BNC2: variants seen among roughly 807,000 people sequenced by gnomAD.
BNC2 encodes zinc finger protein basonuclin-2.
In BNC2, 20 loss-of-function variants were observed where a neutral mutation model predicts 76.3. The observed-to-expected ratio is 0.26, with a 90% CI of 0.18 to 0.38. BNC2 has a LOEUF of 0.38. BNC2 is among the 10% of genes least tolerant of loss of function. The pLI is 1.00. For synonymous variants in BNC2, 582 were observed against 514.8 expected (o/e 1.13, Z -1.77); for missense variants, 1,382 against 1,399.8 (o/e 0.99, Z 0.20).
In BNC2 at chr9:16,419,048, T is replaced by C; in HGVS notation, c.3241A>G (p.Asn1081Asp). The stretch of plus-strand genomic sequence containing the variant: ...AGATTAGGGTTCTGACTGTGCCGAT[T>C]TCGGCTTCGTACAGAGGAAAACATC... The part of the protein sequence containing the change: ...NMMFSSVRSR[N>D]RHSQNPNLHK... Residue 1081 changes from asparagine to aspartate, a missense_variant, in exon 7 of 7, where the codon AAT (asparagine) becomes GAT (aspartate). Around this residue, in one of 3 missense-constraint regions of BNC2, gnomAD observed 798 missense variants for 775.5 expected, o/e 1.03. Coordinates refer to ENST00000380672, the MANE Select transcript of BNC2 (RefSeq NM_017637.6). 3 of 1,614,212 alleles carry C rather than the reference T, an allele frequency of 1.9e-6. No homozygotes were observed. The East Asian group carries it at 6.7e-5, about 36-fold the overall frequency.
chr9:16,561,949 G>C (rs954155652), intron 4 of BNC2, among the ~76,000 whole-genome samples: 1 of 152,116 alleles, frequency 6.6e-6, no homozygotes, highest in South Asian at 2.1e-4. Context: ...AAGCTGCAGT[G>C]AGCCGTGACT....
intron 3 of BNC2, among the ~76,000 whole-genome samples, chr9:16,602,011 G>T (rs1394990836): frequency 1.3e-5 from 2 of 152,114 alleles, no homozygotes; most frequent in African/African-American, 4.8e-5. Flanking sequence ...CAGCAATCAA[G>T]CTTTGACATA....
Position 16,778,605 on chromosome 9 carries a change from A to G in BNC2, c.4-40120T>C, listed in dbSNP as rs76625410. On this transcript the variant is annotated intron_variant, in intron 1 of 6. Transcript: ENST00000380672. ...AAGGTAGCATCTGTATTTTGCAGAT[A>G]AAAGGCTCAAAAGGAACAAGCACAC... Among the ~76,000 whole-genome samples, 14 of 152,324 alleles carry G rather than the reference A, an allele frequency of 9.2e-5. No homozygotes were observed. In the East Asian group the frequency reaches 2.3e-3, roughly 25 times the overall value.
intron 4 of BNC2, among the ~76,000 whole-genome samples, chr9:16,572,544 C>A (rs1434110549): frequency 2.0e-5 from 3 of 152,172 alleles, no homozygotes. Context: ...AAGTGCCCTT[C>A]CTGAGCTTTT....
intron 1 of BNC2, among the ~76,000 whole-genome samples, chr9:16,764,581 C>T (rs1825638681): frequency 1.3e-5 from 2 of 152,080 alleles, no homozygotes; most frequent in African/African-American, 4.8e-5. Flanking sequence ...TTCATTGGCC[C>T]TTTTACAAGA....
chr9:16,469,337 C>T (rs1821768595), intron 5 of BNC2, among the ~76,000 whole-genome samples: 1 of 152,156 alleles, frequency 6.6e-6, no homozygotes, highest in Admixed American at 6.5e-5. Context: ...GGGGGCTGGT[C>T]TTTCCCATGC....
intron 3 of BNC2, among the ~76,000 whole-genome samples, chr9:16,594,835 C>T (rs1423267770): frequency 2.6e-5 from 4 of 152,006 alleles, no homozygotes; most frequent in East Asian, 3.9e-4. Context: ...AGGAAAGGAG[C>T]CTGATAATCC....
chr9:16,497,240 C>T (rs769623054), intron 5 of BNC2, among the ~76,000 whole-genome samples: 11 of 152,072 alleles, frequency 7.2e-5, no homozygotes, highest in South Asian at 4.2e-4. Flanking sequence ...ATGATGTAGG[C>T]CTAATTTCTA....
chr9:16,465,339 G>C (rs13284663), intron 5 of BNC2, among the ~76,000 whole-genome samples: 1 of 147,642 alleles, frequency 6.8e-6, no homozygotes, highest in African/African-American at 2.5e-5. Flanking sequence ...TGGAGGCTTA[G>C]GCATGAGAAT....
At chr9:16,764,350 C>A (rs1825632871) in intron 1 of BNC2, among the ~76,000 whole-genome samples, 1 of 152,176 alleles carries the variant, frequency 6.6e-6, no homozygotes, top group African/African-American at 2.4e-5. Flanking sequence ...AAAAAAGTGA[C>A]CTCAATTTCA....
intron 3 of BNC2, among the ~76,000 whole-genome samples, chr9:16,717,314 C>CAGAA (rs1824020568): frequency 6.6e-6 from 1 of 152,036 alleles, no homozygotes; most frequent in African/African-American, 2.4e-5. Context: ...ACTAAACTTA[C>CAGAA]TTTCTTTCTT....
At chr9:16,471,112 T>C (rs1409711536) in intron 5 of BNC2, among the ~76,000 whole-genome samples, 1 of 152,172 alleles carries the variant, frequency 6.6e-6, no homozygotes, top group African/African-American at 2.4e-5. Context: ...GATGTGGATG[T>C]GAGACCTGGA....
At chr9:16,691,504 C>CTTTTTTTTTTTTTTT (rs71327842) in intron 3 of BNC2, among the ~76,000 whole-genome samples, 6 of 113,212 alleles carry the variant, frequency 5.3e-5, no homozygotes, top group African/African-American at 2.1e-4. Flanking sequence ...GGTATGGGTT[C>CTTTTTTTTTTTTTTT]TTTTTTTTTT....
intron 5 of BNC2, among the ~76,000 whole-genome samples, chr9:16,445,808 T>C (rs561444619): frequency 6.6e-6 from 1 of 152,350 alleles, no homozygotes; most frequent in African/African-American, 2.4e-5. Flanking sequence ...GAAGTAAGTA[T>C]GCAAACATTA....
At chr9:16,448,521 G>C (rs1821273405) in intron 5 of BNC2, among the ~76,000 whole-genome samples, 1 of 152,036 alleles carries the variant, frequency 6.6e-6, no homozygotes, top group Admixed American at 6.6e-5. Flanking sequence ...ATTATACTTT[G>C]AATTACTTTA....
At chr9:16,652,963 C>A (rs1821833463) in intron 3 of BNC2, among the ~76,000 whole-genome samples, 3 of 152,122 alleles carry the variant, frequency 2.0e-5, no homozygotes, top group Admixed American at 6.6e-5. Context: ...GGGCCCTACT[C>A]CCTAATGGTT....
intron 5 of BNC2, among the ~76,000 whole-genome samples, chr9:16,444,905 G>C (rs1015700526): frequency 8.5e-5 from 13 of 152,264 alleles, no homozygotes; most frequent in African/African-American, 2.6e-4. Flanking sequence ...AAGTTTAACT[G>C]ATCTGACTGC....
intron 1 of BNC2, among the ~76,000 whole-genome samples, chr9:16,856,917 CCTTT>C (rs1468365679): frequency 6.6e-6 from 1 of 152,088 alleles, no homozygotes; most frequent in Non-Finnish European, 1.5e-5. Context: ...AATTGAGTGG[CCTTT>C]CTTTGAGCAA....
At chr9:16,518,999 T>C (rs1468200889) in intron 5 of BNC2, among the ~76,000 whole-genome samples, 1 of 152,222 alleles carries the variant, frequency 6.6e-6, no homozygotes, top group Non-Finnish European at 1.5e-5. Context: ...TATCAGCATG[T>C]CTCTATGCTG....
Sources: allele counts gnomAD v4.1 joint callset (sites outside exome capture counted in the v4.1 genomes callset), GRCh38; gene constraint gnomAD v4.1.1; regional missense constraint gnomAD v4.1.1; transcripts MANE v1.5; gene names NCBI Gene and HGNC (gene_info 2026-07-23, HGNC 2026-07-21).